IFT43: variants seen among roughly 807,000 people sequenced by gnomAD.
The protein encoded by IFT43 is intraflagellar transport protein 43 homolog.
In IFT43, 33 loss-of-function variants were observed where a neutral mutation model predicts 32.3. The observed-to-expected ratio is 1.02, with a 90% CI of 0.77 to 1.37. IFT43 has a LOEUF of 1.37. IFT43 is among the 40% of genes most tolerant of loss of function. The pLI is 0.00. For missense variants in IFT43, 274 were observed against 265.9 expected, an observed-to-expected ratio of 1.03 and a Z score of -0.21; for synonymous variants, 93 against 98.2, an observed-to-expected ratio of 0.95 and a Z score of 0.31.
chr14:76,036,296 A>G (rs1449553805), intron 3 of IFT43, among the ~76,000 whole-genome samples: 6 of 151,770 alleles, frequency 4.0e-5, no homozygotes, highest in Admixed American at 2.0e-4. Flanking sequence ...CAAGGTCCAT[A>G]TATTGTATTT....
At chr14:76,073,682 A>T (rs1031307466) in intron 5 of IFT43, among the ~76,000 whole-genome samples, 1 of 152,212 alleles carries the variant, frequency 6.6e-6, no homozygotes, top group Non-Finnish European at 1.5e-5. Context: ...TGGTTGACAG[A>T]CTAGGTTTAC....
intron 2 of IFT43, among the ~76,000 whole-genome samples, chr14:75,992,553 GT>G (rs1414005911): frequency 6.6e-6 from 1 of 151,980 alleles, no homozygotes; most frequent in Admixed American, 6.6e-5. Context: ...TTTTTTGTTT[GT>G]TTTTGTTTTG....
At chr14:76,030,678 A>G (rs1239646330) in intron 3 of IFT43, among the ~76,000 whole-genome samples, 1 of 152,186 alleles carries the variant, frequency 6.6e-6, no homozygotes, top group African/African-American at 2.4e-5. Context: ...TTGTCCTTAG[A>G]ATATATCACA....
chr14:76,063,504 C>A (rs575035242), intron 5 of IFT43, among the ~76,000 whole-genome samples: 3 of 152,372 alleles, frequency 2.0e-5, no homozygotes, highest in Admixed American at 2.0e-4. Flanking sequence ...GGGGCTCCCC[C>A]AAGCTGTGCC....
chr14:76,040,143 C>T (rs1467826012), intron 3 of IFT43, among the ~76,000 whole-genome samples: 1 of 151,948 alleles, frequency 6.6e-6, no homozygotes, highest in Admixed American at 6.5e-5. Flanking sequence ...TTTGTGGAGA[C>T]AGGGTCTCAC....
intron 2 of IFT43, among the ~76,000 whole-genome samples, chr14:76,020,262 C>T (rs766389250): frequency 5.3e-5 from 8 of 152,188 alleles, no homozygotes; most frequent in South Asian, 2.1e-4. Context: ...CATGAGCCAC[C>T]GCACCCGGCC....
chr14:75,987,781 G>A (rs899140643), intron 1 of IFT43, among the ~76,000 whole-genome samples: 1 of 152,156 alleles, frequency 6.6e-6, no homozygotes, highest in Non-Finnish European at 1.5e-5. Context: ...AGGGCCTTGG[G>A]AAACACCTGC....
intron 3 of IFT43, among the ~76,000 whole-genome samples, chr14:76,049,887 C>T (rs2036881576): frequency 6.6e-6 from 1 of 152,108 alleles, no homozygotes; most frequent in African/African-American, 2.4e-5. Flanking sequence ...CCTCCTGATC[C>T]CTGATCAATG....
chr14:76,034,772 C>T (rs2036569395), intron 3 of IFT43, among the ~76,000 whole-genome samples: 1 of 152,194 alleles, frequency 6.6e-6, no homozygotes, highest in Admixed American at 6.5e-5. Context: ...ACAGAAAGGG[C>T]CAAGTTCAGG....
intron 2 of IFT43, among the ~76,000 whole-genome samples, chr14:75,989,890 A>G (rs1018855531): frequency 2.4e-4 from 37 of 152,218 alleles, no homozygotes; most frequent in Non-Finnish European, 1.5e-4. Flanking sequence ...CTTCACTTAC[A>G]TATCACATAG....
At chr14:76,012,652 C>T (rs964692748) in intron 2 of IFT43, among the ~76,000 whole-genome samples, 9 of 152,264 alleles carry the variant, frequency 5.9e-5, no homozygotes, top group African/African-American at 2.2e-4. Context: ...TCATTTCCCA[C>T]ACTCGGAGAC....
intron 5 of IFT43, among the ~76,000 whole-genome samples, chr14:76,068,391 C>G (rs2037263359): frequency 6.6e-6 from 1 of 152,224 alleles, no homozygotes; most frequent in African/African-American, 2.4e-5. Flanking sequence ...AATACTCATC[C>G]TCCCCACATA....
rs540825566 is a variant in IFT43, at chr14:76,043,618, G to T, written c.216-15024G>T. On this transcript the variant is annotated intron_variant, in intron 3 of 8. Coordinates refer to ENST00000314067, the MANE Select transcript of IFT43 (RefSeq NM_001102564.3). ...CTTGGGGTACTTGCAGATGTAAAAAGAAATCTGTTTCTCCCAATGTAGAGT... is the reference window on the plus strand; with the variant it reads ...CTTGGGGTACTTGCAGATGTAAAAATAAATCTGTTTCTCCCAATGTAGAGT... 3.9e-5 allele frequency among the ~76,000 whole-genome samples: 6 copies of T among 152,322 alleles called. No homozygotes were observed. In the South Asian group the frequency reaches 1.2e-3, roughly 32 times the overall value.
chr14:76,070,832 C>T (rs1322175370), intron 5 of IFT43, among the ~76,000 whole-genome samples: 1 of 152,054 alleles, frequency 6.6e-6, no homozygotes, highest in East Asian at 1.9e-4. Flanking sequence ...TCACTTTCCA[C>T]CATGATTGGA....
chr14:76,049,228 C>T (rs371957795), intron 3 of IFT43, among the ~76,000 whole-genome samples: 34 of 152,316 alleles, frequency 2.2e-4, no homozygotes, highest in African/African-American at 7.7e-4. Context: ...ATCCTTGTAG[C>T]TCGATTTTCC....
At chr14:76,013,185 A>T (rs2139930097) in intron 2 of IFT43, among the ~76,000 whole-genome samples, 1 of 152,316 alleles carries the variant, frequency 6.6e-6, no homozygotes, top group African/African-American at 2.4e-5. Context: ...CTTCCTGTAA[A>T]TGAGTAGGCC....
chr14:75,997,993 A>C (rs896602002), intron 2 of IFT43, among the ~76,000 whole-genome samples: 3 of 152,234 alleles, frequency 2.0e-5, no homozygotes, highest in African/African-American at 4.8e-5. Context: ...TCCTTAACTT[A>C]GTCCTGTGTC....
At chr14:76,063,584 T>A (rs747288293) in intron 5 of IFT43, among the ~76,000 whole-genome samples, 19 of 152,322 alleles carry the variant, frequency 1.2e-4, no homozygotes, top group Middle Eastern at 3.4e-3. Flanking sequence ...GGAATCAAAG[T>A]CTTAGGCTGC....
In IFT43 at chr14:76,083,245, A is replaced by G. The variant is rs907001279; in HGVS notation, c.463A>G (p.Lys155Glu). 2 of 1,614,008 alleles carry G rather than the reference A, an allele frequency of 1.2e-6. No individual in the cohort carries two copies. Among genetic ancestry groups the G allele is most frequent in the African/African-American group, 1.3e-5 (1 of 74,890 alleles). The change falls in exon 8 of 9, where the codon AAA becomes GAA. Residue 155 changes from lysine to glutamate, a missense_variant. Transcript: ENST00000314067. The stretch of plus-strand genomic sequence containing the variant: ...TTCACAGGATGGGGAGATCGACCTG[A>G]AACTCCTCACCAAAGTGCTCGCGCC... ...IQTLDGEIDL[K>E]LLTKVLAPEH...
Sources: gnomAD v4.1 joint callset for allele counts (sites outside exome capture counted in the v4.1 genomes callset) on GRCh38, gnomAD v4.1.1 for gene constraint, MANE v1.5 for transcripts, NCBI Gene and HGNC (gene_info 2026-07-23, HGNC 2026-07-21) for gene names.